Variants in CAMSAP1 observed in about 807,000 individuals in gnomAD.
CAMSAP1 encodes the protein calmodulin regulated spectrin associated protein 1.
Under a neutral mutation model 143.5 loss-of-function variants are expected in CAMSAP1, and 58 were observed. The ratio of observed to expected loss-of-function variants is 0.40; its 90% CI spans 0.33 to 0.50. The LOEUF (loss-of-function observed/expected upper bound fraction) is 0.50, where lower values mean the gene tolerates loss of function less well. CAMSAP1 is among the 20% of genes least tolerant of loss of function. The pLI, the probability that CAMSAP1 is intolerant of heterozygous loss-of-function variation, is 0.45. For missense variants in CAMSAP1, 1,969 were observed against 2,115.7 expected, an observed-to-expected ratio of 0.93 and a Z score of 1.36; for synonymous variants, 945 against 859.3, an observed-to-expected ratio of 1.10 and a Z score of -1.74.
rs1275287094 is a variant in CAMSAP1 at position 135,819,064 on chromosome 9, C to T, written c.3905G>A (p.Arg1302His). Reference protein sequence around the residue: ...LKQQRKAEEARVRKQQLEAEV... With the variant: ...LKQQRKAEEAHVRKQQLEAEV... Reference sequence around the variant, plus strand: ...CGCTTCCAGCTGCTGCTTGCGCACGCGGGCCTCCTCGGCCTTGCGCTGCTG... The same window carrying T: ...CGCTTCCAGCTGCTGCTTGCGCACGTGGGCCTCCTCGGCCTTGCGCTGCTG... The change falls in exon 12 of 17, where the codon CGC becomes CAC. Residue 1302 changes from arginine to histidine, a missense_variant. Coordinates refer to ENST00000389532, the MANE Select transcript of CAMSAP1 (RefSeq NM_015447.4). 1.2e-6 allele frequency: 2 copies of T among 1,604,888 alleles called. No individual in the cohort carries two copies. The highest frequency in any genetic ancestry group is 1.1e-5 in the South Asian group (1 of 89,640).
chr9:135,850,092 C>T (rs955446525), intron 7 of CAMSAP1, 45 bp downstream of exon 7: 1 of 1,478,458 alleles, frequency 6.8e-7, no homozygotes, highest in Non-Finnish European at 9.2e-7. Context: ...ATACTCTAGG[C>T]TCTCAAGGAA....
intron 4 of CAMSAP1, among the ~76,000 whole-genome samples, chr9:135,865,927 C>A (rs1362855356): frequency 2.0e-5 from 3 of 152,312 alleles, no homozygotes; most frequent in Admixed American, 6.5e-5. Flanking sequence ...TTCAGTCACA[C>A]ATGTGCTTGC....
At chr9:135,849,215 G>A (rs953576876) in intron 7 of CAMSAP1, among the ~76,000 whole-genome samples, 2 of 152,206 alleles carry the variant, frequency 1.3e-5, no homozygotes, top group Non-Finnish European at 1.5e-5. Flanking sequence ...ACAGCCGGGC[G>A]AAATCTAACA....
chr9:135,882,713 T>G lies in CAMSAP1; in HGVS notation c.423+103A>C. ...TGCAAAAGCACGGGTCTCCACCACC[T>G]CGCCGCACACCGTGTTCACACCATC... On this transcript the variant is annotated intron_variant, in intron 2 of 16. Coordinates refer to ENST00000389532, the MANE Select transcript of CAMSAP1 (RefSeq NM_015447.4). The surrounding 1 kb of genome is among the most constrained non-coding windows in gnomAD (Gnocchi z 4.9). 2.2e-6 allele frequency: 3 copies of G among 1,375,902 alleles called. No individual in the cohort carries two copies. Among genetic ancestry groups the G allele is most frequent in the Non-Finnish European group, 2.9e-6 (3 of 1,031,016 alleles). The allele number at this position is 1,375,902 out of a possible 1,614,324, so 85.2% of individuals were successfully genotyped here. A position where few individuals can be genotyped will look rare whatever the true frequency, so the allele number is the denominator to read the frequency against.
intron 16 of CAMSAP1, among the ~76,000 whole-genome samples, chr9:135,814,854 G>A (rs1215522445): frequency 6.6e-6 from 1 of 152,174 alleles, no homozygotes; most frequent in Admixed American, 6.5e-5. Flanking sequence ...CACCACATGA[G>A]GATGTAGCCT....
Position 135,822,500 on chromosome 9 carries a change from T to C in CAMSAP1, c.2161A>G (p.Lys721Glu), listed in dbSNP as rs758950995. The part of the protein sequence containing the change: ...TEGRLYVSCS[K>E]SPNSHDSEPW... ...TCTGAATCGTGGGAGTTGGGGCTTT[T>C]TGAACAACTAACATATAACCTTCCC... Residue 721 changes from lysine to glutamate, a missense_variant, in exon 11 of 17, where the codon AAA becomes GAA. Lys to Glu is a moderately conservative substitution (Grantham distance 56). Around this residue, in one of 4 missense-constraint regions of CAMSAP1, gnomAD observed 1,390 missense variants for 1,420.8 expected, o/e 0.98. Coordinates refer to ENST00000389532, the MANE Select transcript of CAMSAP1 (RefSeq NM_015447.4). This position sits in a 1 kb window ranked among gnomAD's most constrained non-coding sequence, Gnocchi z 6.1. 3.1e-6 allele frequency: 5 copies of C among 1,613,794 alleles called. No homozygotes were observed. In the South Asian group the frequency reaches 3.3e-5, roughly 11 times the overall value.
chr9:135,815,271 A>T, intron 15 of CAMSAP1, 56 bp from the exon 16 acceptor site: 2 of 1,173,110 alleles, frequency 1.7e-6, no homozygotes, highest in Non-Finnish European at 2.4e-6. Flanking sequence ...GAACACACAC[A>T]AAAAAGAAAA....
At chr9:135,836,806 C>A (rs1836068574) in intron 7 of CAMSAP1, 1 of 984,960 alleles carries the variant, frequency 1.0e-6, no homozygotes, top group South Asian at 4.7e-5. Context: ...GCACTTTCTA[C>A]CCCGTTCTAC....
At chr9:135,873,178 T>C (rs572119965) in intron 3 of CAMSAP1, among the ~76,000 whole-genome samples, 165 of 152,292 alleles carry the variant, frequency 1.1e-3, no homozygotes, top group African/African-American at 3.8e-3. Context: ...AAAAGCTATC[T>C]AGAACCTCTC....
rs751134561 is a variant in CAMSAP1, at chr9:135,809,776, G to A, written c.*1533C>T. 2 of 152,574 alleles carry A rather than the reference G, an allele frequency of 1.3e-5. No individual in the cohort carries two copies. The highest frequency in any genetic ancestry group is 2.1e-4 in the South Asian group (1 of 4,834). 9.5% of individuals were successfully genotyped at this position (152,574 alleles called of 1,614,324 possible). A position where few individuals can be genotyped will look rare whatever the true frequency, so the allele number is the denominator to read the frequency against. On this transcript the variant is annotated 3_prime_UTR_variant, in exon 17 of 17. Coordinates refer to ENST00000389532, the MANE Select transcript of CAMSAP1 (RefSeq NM_015447.4). Reference sequence around the variant, plus strand: ...GTTCCCTATTTACAGGACAGAGAGCGGCTGTGTCGAACACGATATATACAA... The same window carrying A: ...GTTCCCTATTTACAGGACAGAGAGCAGCTGTGTCGAACACGATATATACAA...
In CAMSAP1 at chr9:135,811,546, C is replaced by T; in HGVS notation, c.4572G>A (p.Arg1524=). The T allele has an allele frequency of 6.2e-7, 1 of 1,604,900 alleles. No homozygotes were observed. The highest frequency in any genetic ancestry group is 8.5e-7 in the Non-Finnish European group (1 of 1,175,430). The change falls in exon 17 of 17, where the codon AGG becomes AGA. Residue 1524 remains arginine, a synonymous_variant. Coordinates refer to ENST00000389532, the MANE Select transcript of CAMSAP1 (RefSeq NM_015447.4). The surrounding 1 kb of genome is among the most constrained non-coding windows in gnomAD (Gnocchi z 4.9). The part of the protein sequence containing the change: ...ILFRDAGCQF[R]ALYCYYPDTE... ...TATCAGGATAGTAGCAGTAAAGCGCCCTGAACTGGCAGCCAGCATCACGAA... is the reference window on the plus strand; with the variant it reads ...TATCAGGATAGTAGCAGTAAAGCGCTCTGAACTGGCAGCCAGCATCACGAA...
chr9:135,855,925 G>A (rs546639220), intron 5 of CAMSAP1, among the ~76,000 whole-genome samples: 15 of 152,000 alleles, frequency 9.9e-5, no homozygotes, highest in South Asian at 4.2e-4. Context: ...GGTGGCGGGC[G>A]CCTGTGGTCC....
chr9:135,841,430 A>G (rs1836347544), intron 7 of CAMSAP1, among the ~76,000 whole-genome samples: 2 of 152,350 alleles, frequency 1.3e-5, no homozygotes, highest in South Asian at 2.1e-4. Context: ...TAGCCTCAGC[A>G]GACTTAAACA....
At chr9:135,828,187 G>C (rs532795150) in intron 7 of CAMSAP1, among the ~76,000 whole-genome samples, 2 of 152,252 alleles carry the variant, frequency 1.3e-5, no homozygotes, top group Admixed American at 1.3e-4. Flanking sequence ...CTCTCCCAAA[G>C]GGTCAGCCCC....
chr9:135,856,527 C>T lies in CAMSAP1; in HGVS notation c.808+5940G>A, dbSNP rs369290680. On this transcript the variant is annotated intron_variant, in intron 5 of 16. Coordinates refer to ENST00000389532, the MANE Select transcript of CAMSAP1 (RefSeq NM_015447.4). ...ATTCCACTCCTTCTGCCTGTGGCCT[C>T]GGTAAGAGAACACGCAGCCCCATCC... is the stretch of plus-strand genomic sequence containing the variant. Among the ~76,000 whole-genome samples the T allele has an allele frequency of 7.0e-4, 107 of 152,118 alleles. 2 individuals carry two copies. The highest frequency in any genetic ancestry group is 1.0e-3 in the Non-Finnish European group (68 of 68,028).
intron 7 of CAMSAP1, 86 bp downstream of exon 7, chr9:135,850,051 G>C (rs1836717738): frequency 5.4e-6 from 6 of 1,110,856 alleles, no homozygotes; most frequent in Non-Finnish European, 7.7e-6. Context: ...TGCTGTGCGA[G>C]AAACATGGAA....
chr9:135,815,111 T>A lies in CAMSAP1; in HGVS notation c.4492A>T (p.Asn1498Tyr). Residue 1498 changes from asparagine (N) to tyrosine (Y), a missense_variant, in exon 16 of 17, where the codon AAT becomes TAT. This residue lies in a region of CAMSAP1 where 143 missense variants were observed against 200.6 expected (regional missense o/e 0.71). Transcript: ENST00000389532. ...ATGATACTTGCCTCCAATATGGAAT[T>A]CTTGTGGGGTTCGTTCACTTTTCCA... ...LAGKVNEPHK[N>Y]SILEELEKCD... 6.2e-7 allele frequency: 1 copy of A among 1,611,774 alleles called. No individual in the cohort carries two copies. The highest frequency in any genetic ancestry group is 8.5e-7 in the Non-Finnish European group (1 of 1,178,140).
chr9:135,884,914 C>T (rs1330260310), intron 1 of CAMSAP1, among the ~76,000 whole-genome samples: 2 of 152,222 alleles, frequency 1.3e-5, no homozygotes, highest in Admixed American at 6.5e-5. Flanking sequence ...ACCCATGGGC[C>T]GTGGAGGGAA....
At chr9:135,889,024 G>A (rs1170604455) in intron 1 of CAMSAP1, among the ~76,000 whole-genome samples, 1 of 152,208 alleles carries the variant, frequency 6.6e-6, no homozygotes, top group Non-Finnish European at 1.5e-5. Flanking sequence ...AACCCTCAGA[G>A]AGGGGAGAGG....
Sources: allele counts gnomAD v4.1 joint callset (sites outside exome capture counted in the v4.1 genomes callset), GRCh38; gene constraint gnomAD v4.1.1; regional missense constraint gnomAD v4.1.1; non-coding constraint Gnocchi (gnomAD v3.1); transcripts MANE v1.5; gene names NCBI Gene and HGNC (gene_info 2026-07-23, HGNC 2026-07-21).